SCN4B: variants seen among roughly 807,000 people sequenced by gnomAD.
SCN4B encodes the protein sodium voltage-gated channel beta subunit 4.
SCN4B carries 20 observed loss-of-function variants against 19.6 expected under a neutral mutation model. The observed-to-expected ratio is 1.02, with a 90% confidence interval of 0.72 to 1.48. The LOEUF is 1.48. SCN4B is among the 40% of genes most tolerant of loss of function. The probability of loss-of-function intolerance (pLI) is 0.00; values close to 1 mark genes in which losing one functional copy is unlikely to be tolerated. For synonymous variants in SCN4B, 127 were observed against 122.8 expected, an observed-to-expected ratio of 1.03 and a Z score of -0.22; for missense variants, 271 against 287.5, an observed-to-expected ratio of 0.94 and a Z score of 0.42.
rs988450375 is a variant in SCN4B, at chr11:118,136,276, A to T, written c.*751T>A. The T allele has an allele frequency of 2.2e-6, 1 of 453,656 alleles. No homozygotes were observed. Among genetic ancestry groups the T allele is most frequent in the Non-Finnish European group, 4.4e-6 (1 of 226,684 alleles). The allele number at this position is 453,656 out of a possible 1,614,324, so 28.1% of individuals were successfully genotyped here. ...AAATGCTTGGAAAGGCATAGGGAGCACTCGGGTACTCCAGGAAGGCTCGAG... is the reference window on the plus strand; with the variant it reads ...AAATGCTTGGAAAGGCATAGGGAGCTCTCGGGTACTCCAGGAAGGCTCGAG... On this transcript the variant is annotated 3_prime_UTR_variant, in exon 5 of 5. Transcript: ENST00000324727.
At chr11:118,145,617 C>T (rs1338491332) in intron 1 of SCN4B, 3 of 464,914 alleles carry the variant, frequency 6.5e-6, no homozygotes, top group East Asian at 6.9e-5. Context: ...GGCGGGCTCC[C>T]TTCTGTTTGC....
chr11:118,134,994 G>T lies in SCN4B; in HGVS notation c.*2033C>A. 1 of 454,024 alleles carries T rather than the reference G, an allele frequency of 2.2e-6. No individual in the cohort carries two copies. Among genetic ancestry groups the T allele is most frequent in the South Asian group, 1.6e-5 (1 of 64,456 alleles). The allele number at this position is 454,024 out of a possible 1,614,324, so 28.1% of individuals were successfully genotyped here. On this transcript the variant is annotated 3_prime_UTR_variant, in exon 5 of 5. Coordinates refer to ENST00000324727, the MANE Select transcript of SCN4B (RefSeq NM_174934.4). ...GGTGCCCTTCTTCTCCCTACTCTAC[G>T]TGCCTTGGCTTTCTCTTAAGACAGA...
At position 118,135,879 on chromosome 11, in the gene SCN4B, C is replaced by T. The variant is rs1947988218; in HGVS notation, c.*1148G>A. 1 of 454,316 alleles carries T rather than the reference C, an allele frequency of 2.2e-6. No homozygotes were observed. Among genetic ancestry groups the T allele is most frequent in the South Asian group, 1.6e-5 (1 of 64,476 alleles). 28.1% of individuals were successfully genotyped at this position (454,316 alleles called of 1,614,324 possible). Reference sequence around the variant, plus strand: ...CACCCACTCCCTGCTCCTCCCCAACCCCAGGGTGGGAGGGGGTGGCCCAGC... The same window carrying T: ...CACCCACTCCCTGCTCCTCCCCAACTCCAGGGTGGGAGGGGGTGGCCCAGC... On this transcript the variant is annotated 3_prime_UTR_variant, in exon 5 of 5. Transcript: ENST00000324727.
At chr11:118,141,078 T>C in intron 4 of SCN4B, 129 bp downstream of exon 4, 1 of 1,016,326 alleles carries the variant, frequency 9.8e-7, no homozygotes, top group East Asian at 2.4e-5. Flanking sequence ...GTGGCAGGGA[T>C]AGAACAGAGA....
chr11:118,139,184 C>T (rs1414794724), intron 4 of SCN4B, among the ~76,000 whole-genome samples: 1 of 152,138 alleles, frequency 6.6e-6, no homozygotes, highest in Non-Finnish European at 1.5e-5. Context: ...TCCCCACCAC[C>T]TCACCATACA....
In SCN4B at chr11:118,133,726, T is replaced by C. The variant is rs1264026606; in HGVS notation, c.*3301A>G. On this transcript the variant is annotated 3_prime_UTR_variant, in exon 5 of 5. Coordinates refer to ENST00000324727, the MANE Select transcript of SCN4B (RefSeq NM_174934.4). ...GGACAAAGTAAAGTAAAGCAAGTTA[T>C]AGGATTTTCCCGAGAAGTCCCCGCT... 5 of 454,516 alleles carry C rather than the reference T, an allele frequency of 1.1e-5. No homozygotes were observed. Among genetic ancestry groups the C allele is most frequent in the Admixed American group, 7.0e-5 (3 of 42,576 alleles). The allele number at this position is 454,516 out of a possible 1,614,324, so 28.2% of individuals were successfully genotyped here.
Position 118,134,077 on chromosome 11 carries a change from C to T in SCN4B, c.*2950G>A. 2.2e-6 allele frequency: 1 copy of T among 454,500 alleles called. No homozygotes were observed. Among genetic ancestry groups the T allele is most frequent in the Non-Finnish European group, 4.4e-6 (1 of 226,806 alleles). The allele number at this position is 454,500 out of a possible 1,614,324, so 28.2% of individuals were successfully genotyped here. A position where few individuals can be genotyped will look rare whatever the true frequency, so the allele number is the denominator to read the frequency against. Reference sequence around the variant, plus strand: ...TCACAAGCATGCTCTCAAGCCCTCGCTCCACAAGAGCTCTGATCGGCCTGC... The same window carrying T: ...TCACAAGCATGCTCTCAAGCCCTCGTTCCACAAGAGCTCTGATCGGCCTGC... On this transcript the variant is annotated 3_prime_UTR_variant, in exon 5 of 5. Coordinates refer to ENST00000324727, the MANE Select transcript of SCN4B (RefSeq NM_174934.4).
At chr11:118,143,289 A>G (rs574608992) in intron 3 of SCN4B, among the ~76,000 whole-genome samples, 1 of 152,318 alleles carries the variant, frequency 6.6e-6, no homozygotes, top group East Asian at 1.9e-4. Flanking sequence ...AAGCCCCCAG[A>G]GGACAAGGGC....
chr11:118,135,579 CT>C lies in SCN4B; in HGVS notation c.*1447del. The stretch of plus-strand genomic sequence containing the variant: ...CCACTCCCAACATCACCACCTCCCC[CT>C]AGGGCAGGCTAGAAACCCCAATGGG... On this transcript the variant is annotated 3_prime_UTR_variant, in exon 5 of 5. Transcript: ENST00000324727. 1 of 454,040 alleles carries C rather than the reference CT, an allele frequency of 2.2e-6. No homozygotes were observed. The highest frequency in any genetic ancestry group is 4.4e-6 in the Non-Finnish European group (1 of 226,728). 28.1% of individuals were successfully genotyped at this position (454,040 alleles called of 1,614,324 possible).
intron 2 of SCN4B, among the ~76,000 whole-genome samples, chr11:118,144,763 A>G (rs1312965189): frequency 6.6e-6 from 1 of 151,900 alleles, no homozygotes; most frequent in Non-Finnish European, 1.5e-5. Flanking sequence ...TGTTTCTTAG[A>G]CTAAACTATT....
At chr11:118,141,525 T>C in intron 3 of SCN4B, 189 bp from the exon 4 acceptor site, 1 of 670,674 alleles carries the variant, frequency 1.5e-6, no homozygotes, top group South Asian at 1.7e-5. Context: ...ATGGCATCTA[T>C]CAGGCTAGGG....
In SCN4B at chr11:118,136,162, G is replaced by A. The variant is rs1427135049; in HGVS notation, c.*865C>T. The A allele has an allele frequency of 2.2e-5, 10 of 453,562 alleles. No individual in the cohort carries two copies. The highest frequency in any genetic ancestry group is 1.2e-4 in the Admixed American group (5 of 42,526). 28.1% of individuals were successfully genotyped at this position (453,562 alleles called of 1,614,324 possible). A position where few individuals can be genotyped will look rare whatever the true frequency, so the allele number is the denominator to read the frequency against. ...GCGATGGTCCTGCCATGCCAGGGGA[G>A]GGGCTGCCAGCATTGGCAGCAATGG... is the stretch of plus-strand genomic sequence containing the variant. On this transcript the variant is annotated 3_prime_UTR_variant, in exon 5 of 5. Transcript: ENST00000324727.
rs767032778 is a variant in SCN4B, at chr11:118,144,036, TCA to T, written c.258_259del (p.Asn86LysfsTer4). The T allele has an allele frequency of 6.2e-7, 1 of 1,613,802 alleles. No homozygotes were observed. ...CAACGTCACCTTGGGGTCAGACTTCTCATTCTTCACAGTCCCCTCTATGAGCT... is the reference window on the plus strand; with the variant it reads ...CAACGTCACCTTGGGGTCAGACTTCTTTCTTCACAGTCCCCTCTATGAGCT... On this transcript the variant is annotated frameshift_variant, in exon 3 of 5. Transcript: ENST00000324727. LOFTEE classifies it high-confidence loss of function.
At chr11:118,139,540 T>C (rs1293857588) in intron 4 of SCN4B, among the ~76,000 whole-genome samples, 2 of 72,490 alleles carry the variant, frequency 2.8e-5, no homozygotes, top group South Asian at 1.2e-3. Flanking sequence ...CTATAGCATC[T>C]GGCACAGTGC....
In SCN4B at chr11:118,144,178, G is replaced by A. The variant is rs1308510281; in HGVS notation, c.235-117C>T. The A allele has an allele frequency of 1.2e-5, 9 of 737,222 alleles. No individual in the cohort carries two copies. The Admixed American group carries it at 1.5e-4, about 12-fold the overall frequency. The allele number at this position is 737,222 out of a possible 1,614,324, so 45.7% of individuals were successfully genotyped here. On this transcript the variant is annotated intron_variant, in intron 2 of 4. Transcript: ENST00000324727. Reference sequence around the variant, plus strand: ...TGCCTCCCCTGTCCAGGACCAGGAAGAGCCTGTAGTCACGCCCTGCTCCTT... The same window carrying A: ...TGCCTCCCCTGTCCAGGACCAGGAAAAGCCTGTAGTCACGCCCTGCTCCTT...
chr11:118,139,822 G>A (rs1284189766), intron 4 of SCN4B, among the ~76,000 whole-genome samples: 2 of 152,016 alleles, frequency 1.3e-5, no homozygotes, highest in African/African-American at 4.8e-5. Context: ...ATGAATGACA[G>A]GAAGTGGTAT....
intron 1 of SCN4B, among the ~76,000 whole-genome samples, chr11:118,152,193 C>G (rs1380533662): frequency 6.6e-6 from 1 of 152,130 alleles, no homozygotes; most frequent in Admixed American, 6.5e-5. Flanking sequence ...GGGAAACAAG[C>G]AAACGGCTCT....
chr11:118,145,421 C>G, intron 1 of SCN4B, 192 bp from the exon 2 acceptor site: 1 of 1,515,108 alleles, frequency 6.6e-7, no homozygotes, highest in Non-Finnish European at 8.8e-7. Context: ...CCATTTCTCC[C>G]CTGGAAAGGA....
At chr11:118,139,888 C>CTTTTTTTTTTTTTT (rs5795120) in intron 4 of SCN4B, among the ~76,000 whole-genome samples, 3 of 139,732 alleles carry the variant, frequency 2.1e-5, no homozygotes, top group Non-Finnish European at 3.0e-5. Flanking sequence ...TCTAGCATTC[C>CTTTTTTTTTTTTTT]TTTTTTTTTT....
Sources: allele counts gnomAD v4.1 joint callset (sites outside exome capture counted in the v4.1 genomes callset), GRCh38; gene constraint gnomAD v4.1.1; transcripts MANE v1.5; gene names NCBI Gene and HGNC (gene_info 2026-07-23, HGNC 2026-07-21).